ABCA1: variants seen among roughly 807,000 people sequenced by gnomAD.
ABCA1 encodes the protein ATP binding cassette subfamily A member 1.
ABCA1 carries 133 observed loss-of-function variants against 262.5 expected under a neutral mutation model. That is an observed-to-expected ratio of 0.51 (90% confidence interval 0.44 to 0.59). The LOEUF (loss-of-function observed/expected upper bound fraction) is 0.59. Among genes scored for constraint, ABCA1 ranks in the 20% least tolerant of loss-of-function variants. The probability of loss-of-function intolerance (pLI) is 0.00; values close to 1 mark genes in which losing one functional copy is unlikely to be tolerated. For synonymous variants in ABCA1, 1,022 were observed against 1,043.5 expected (o/e 0.98, Z 0.40); for missense variants, 2,452 against 2,777.5 (o/e 0.88, Z 2.63).
At chr9:104,849,101 T>C (rs556098801) in intron 7 of ABCA1, among the ~76,000 whole-genome samples, 1 of 152,314 alleles carries the variant, frequency 6.6e-6, no homozygotes, top group African/African-American at 2.4e-5. Context: ...GGCAATAGTT[T>C]TTCCAACATC....
intron 20 of ABCA1, 83 bp downstream of exon 20, chr9:104,821,292 T>C: frequency 1.3e-6 from 2 of 1,545,272 alleles, no homozygotes; most frequent in Non-Finnish European, 1.8e-6. Context: ...CAAAGTAAAA[T>C]GCTTAAGTCC....
At position 104,791,976 on chromosome 9, in the gene ABCA1, G is replaced by A. The variant is rs1295620775; in HGVS notation, c.5780C>T (p.Pro1927Leu). 11 of 1,613,588 alleles carry A rather than the reference G, an allele frequency of 6.8e-6. No individual in the cohort carries two copies. The highest frequency in any genetic ancestry group is 9.3e-6 in the Non-Finnish European group (11 of 1,179,842). Reference protein sequence around the residue: ...LTKIYRRKRKPAVDRICVGIP... With the variant: ...LTKIYRRKRKLAVDRICVGIP... ...GCCCACGCAAATCCTGTCAACAGCA[G>A]GCTTCCGCTTCCTTCTATATATCTG... The change falls in exon 43 of 50, where the codon CCT becomes CTT. Residue 1927 changes from proline to leucine, a missense_variant. Pro to Leu is a moderately conservative substitution (Grantham distance 98). Around this residue, in one of 4 missense-constraint regions of ABCA1, gnomAD observed 752 missense variants for 944.5 expected, o/e 0.80. Transcript: ENST00000374736.
chr9:104,908,528 G>A (rs1026246950), intron 1 of ABCA1, among the ~76,000 whole-genome samples: 7 of 152,320 alleles, frequency 4.6e-5, no homozygotes, highest in African/African-American at 1.2e-4. Context: ...TTAGTTGGGC[G>A]TGGCGGTGGG....
At position 104,784,399 on chromosome 9, in the gene ABCA1, T is replaced by TA; in HGVS notation, c.6701_6702insT (p.Leu2235IlefsTer20). ...CCACTACTGTCTGGTTTTTGTGTAA[T>TA]GAGAGGTCTTTTAAGTGGTCATCAT... On this transcript the variant is annotated frameshift_variant, in exon 50 of 50. Transcript: ENST00000374736. LOFTEE classifies it high-confidence loss of function. The TA allele has an allele frequency of 6.2e-7, 1 of 1,614,166 alleles. No individual in the cohort carries two copies.
intron 46 of ABCA1, among the ~76,000 whole-genome samples, 173 bp from the exon 47 acceptor site, chr9:104,787,149 G>A (rs1829001616): frequency 6.6e-6 from 1 of 152,044 alleles, no homozygotes; most frequent in East Asian, 1.9e-4. Flanking sequence ...TGTAAACAAG[G>A]TCATTATTAT....
chr9:104,901,674 A>G (rs1257295725), intron 2 of ABCA1, among the ~76,000 whole-genome samples: 2 of 152,176 alleles, frequency 1.3e-5, no homozygotes, highest in East Asian at 1.9e-4. Flanking sequence ...CAGATGGAGA[A>G]TAGGCAAAAT....
chr9:104,837,360 C>A, intron 10 of ABCA1, 68 bp downstream of exon 10: 1 of 1,603,120 alleles, frequency 6.2e-7, no homozygotes, highest in East Asian at 2.2e-5. Flanking sequence ...TCTGAAGCTA[C>A]CTTGAGTTTT....
Position 104,904,345 on chromosome 9 carries a change from G to A in ABCA1, c.-92-574C>T, listed in dbSNP as rs570824176. Among the ~76,000 whole-genome samples the A allele has an allele frequency of 6.6e-5, 10 of 152,176 alleles. No homozygotes were observed. The South Asian group carries it at 1.9e-3, about 28-fold the overall frequency. On this transcript the variant is annotated intron_variant, in intron 1 of 49. Coordinates refer to ENST00000374736, the MANE Select transcript of ABCA1 (RefSeq NM_005502.4). ...AGCACTTTGGGAGGCCGAGGCAGGCGGATCACGAGGTCAAGAAATCGAGAC... is the reference window on the plus strand; with the variant it reads ...AGCACTTTGGGAGGCCGAGGCAGGCAGATCACGAGGTCAAGAAATCGAGAC...
chr9:104,817,531 G>A lies in ABCA1; in HGVS notation c.3463-127C>T, dbSNP rs1310453075. 10 of 1,015,500 alleles carry A rather than the reference G, an allele frequency of 9.8e-6. No homozygotes were observed. Among genetic ancestry groups the A allele is most frequent in the Non-Finnish European group, 1.5e-5 (10 of 665,862 alleles). 62.9% of individuals were successfully genotyped at this position (1,015,500 alleles called of 1,614,324 possible). ...AACTAAAGGAAAAAGCTTTCCCTGG[G>A]ACACATGCACTGGCAGCCGTGGCTT... On this transcript the variant is annotated intron_variant, in intron 23 of 49. Coordinates refer to ENST00000374736, the MANE Select transcript of ABCA1 (RefSeq NM_005502.4). The surrounding 1 kb of genome is among the most constrained non-coding windows in gnomAD (Gnocchi z 4.7).
At chr9:104,796,284 G>C (rs536661544) in intron 38 of ABCA1, 25 bp downstream of exon 38, 4 of 1,613,812 alleles carry the variant, frequency 2.5e-6, no homozygotes, top group African/African-American at 2.7e-5. Context: ...CCACTGTGCA[G>C]CTCCCTCACT....
In ABCA1 at chr9:104,903,689, G is replaced by A. The variant is rs1840853098; in HGVS notation, c.-10C>T. ...GAGGCCAACAAGCCATGTTCCCTCA[G>A]CCAGCACCCCCAGCGTGTGGCTCGG... On this transcript the variant is annotated 5_prime_UTR_variant, in exon 2 of 50. Coordinates refer to ENST00000374736, the MANE Select transcript of ABCA1 (RefSeq NM_005502.4). 6.3e-7 allele frequency: 1 copy of A among 1,576,234 alleles called. No individual in the cohort carries two copies. Among genetic ancestry groups the A allele is most frequent in the South Asian group, 1.2e-5 (1 of 86,092 alleles).
chr9:104,831,087 C>T lies in ABCA1; in HGVS notation c.1730G>A (p.Gly577Asp), dbSNP rs1282337042. Reference protein sequence around the residue: ...NKIKDGYWDPGPRADPFEDMR... With the variant: ...NKIKDGYWDPDPRADPFEDMR... ...GTCCTCAAAGGGGTCAGCTCGAGGA[C>T]CAGGGTCCCAGTACCTAAAACCAAA... Residue 577 changes from glycine (G) to aspartate (D), a missense_variant, in exon 14 of 50, where the codon GGT (glycine) becomes GAT (aspartate). Around this residue, in one of 4 missense-constraint regions of ABCA1, gnomAD observed 1,032 missense variants for 1,089.7 expected, o/e 0.95. Coordinates refer to ENST00000374736, the MANE Select transcript of ABCA1 (RefSeq NM_005502.4). 6.2e-7 allele frequency: 1 copy of T among 1,609,052 alleles called. No homozygotes were observed. Among genetic ancestry groups the T allele is most frequent in the Non-Finnish European group, 8.5e-7 (1 of 1,179,238 alleles).
intron 7 of ABCA1, among the ~76,000 whole-genome samples, chr9:104,853,786 C>T (rs1835591451): frequency 6.6e-6 from 1 of 152,126 alleles, no homozygotes; most frequent in Non-Finnish European, 1.5e-5. Context: ...CAGAGAGCTG[C>T]AGAGGGGTCA....
intron 29 of ABCA1, among the ~76,000 whole-genome samples, chr9:104,810,234 A>G (rs976733009): frequency 9.9e-5 from 15 of 150,764 alleles, no homozygotes; most frequent in Non-Finnish European, 2.1e-4. Flanking sequence ...CAGGTCTACA[A>G]ATCTTTCAGG....
At chr9:104,915,788 T>A (rs1001790211) in intron 1 of ABCA1, among the ~76,000 whole-genome samples, 1 of 152,102 alleles carries the variant, frequency 6.6e-6, no homozygotes, top group Non-Finnish European at 1.5e-5. Context: ...TTTTGAAAAA[T>A]TCACACAATC....
rs746480171 is a variant in ABCA1 at position 104,840,372 on chromosome 9, A to C, written c.961T>G (p.Ser321Ala). ...HPEGGGLKIK[S>A]LNWYEDNNYK... is the part of the protein sequence containing the mutation. ...TTGTTGTCCTCATACCAGTTGAGAGACTTGATCTTCAGCCCCCCTCCCTCG... is the reference window on the plus strand; with the variant it reads ...TTGTTGTCCTCATACCAGTTGAGAGCCTTGATCTTCAGCCCCCCTCCCTCG... The change falls in exon 9 of 50, where the codon TCT (serine) becomes GCT (alanine). Residue 321 changes from serine to alanine, a missense_variant. Ser to Ala is a moderately conservative substitution (Grantham distance 99). Coordinates refer to ENST00000374736, the MANE Select transcript of ABCA1 (RefSeq NM_005502.4). The C allele has an allele frequency of 6.2e-7, 1 of 1,614,182 alleles. No individual in the cohort carries two copies. The highest frequency in any genetic ancestry group is 8.5e-7 in the Non-Finnish European group (1 of 1,180,038).
At position 104,824,447 on chromosome 9, in the gene ABCA1, G is replaced by A; in HGVS notation, c.2656+18C>T. On this transcript the variant is annotated intron_variant, in intron 18 of 49. Transcript: ENST00000374736. The stretch of plus-strand genomic sequence containing the variant: ...CAGCACTAGGTTAAAGAAAGAGCAG[G>A]AGGTCAACAGCACTTACTTTCTGAT... The A allele has an allele frequency of 6.2e-6, 10 of 1,613,988 alleles. No individual in the cohort carries two copies. Among genetic ancestry groups the A allele is most frequent in the Non-Finnish European group, 8.5e-6 (10 of 1,179,934 alleles).
At position 104,837,050 on chromosome 9, in the gene ABCA1, C is replaced by A. The variant is rs986723268; in HGVS notation, c.1241G>T (p.Gly414Val). The change falls in exon 11 of 50, where the codon GGC becomes GTC. Residue 414 changes from glycine (G) to valine (V), a missense_variant. Gly to Val is a moderately radical substitution (Grantham distance 109). Transcript: ENST00000374736. The part of the protein sequence containing the change: ...QELAVFHDLE[G>V]MWEELSPKIW... ...CTTGGGGCTGAGTTCCTCCCACATG[C>A]CTTCCAGATCATGGAACACAGCCAG... is the stretch of plus-strand genomic sequence containing the variant. 1.9e-6 allele frequency: 3 copies of A among 1,614,036 alleles called. No individual in the cohort carries two copies. Among genetic ancestry groups the A allele is most frequent in the Non-Finnish European group, 2.5e-6 (3 of 1,180,024 alleles).
At chr9:104,882,000 G>A (rs1838695210) in intron 5 of ABCA1, among the ~76,000 whole-genome samples, 2 of 118,714 alleles carry the variant, frequency 1.7e-5, no homozygotes, top group Non-Finnish European at 3.3e-5. Context: ...CTCTTTTACT[G>A]CCCAAGGAAA....
Sources: allele counts gnomAD v4.1 joint callset (sites outside exome capture counted in the v4.1 genomes callset), GRCh38; gene constraint gnomAD v4.1.1; regional missense constraint gnomAD v4.1.1; non-coding constraint Gnocchi (gnomAD v3.1); transcripts MANE v1.5; gene names NCBI Gene and HGNC (gene_info 2026-07-23, HGNC 2026-07-21).